KIF26B: variants seen among roughly 807,000 people sequenced by gnomAD.
KIF26B encodes kinesin-like protein KIF26B.
Under a neutral mutation model 151.2 loss-of-function variants are expected in KIF26B, and 63 were observed. The ratio of observed to expected loss-of-function variants is 0.42; its 90% CI spans 0.34 to 0.51. The LOEUF is 0.51. KIF26B is among the 20% of genes least tolerant of loss of function. The probability of loss-of-function intolerance (pLI) is 0.07; values close to 1 mark genes in which losing one functional copy is unlikely to be tolerated. For synonymous variants in KIF26B, 1,357 were observed against 1,262.1 expected, an observed-to-expected ratio of 1.08 and a Z score of -1.59; for missense variants, 2,813 against 2,913.6, an observed-to-expected ratio of 0.97 and a Z score of 0.79.
intron 4 of KIF26B, among the ~76,000 whole-genome samples, chr1:245,426,649 C>A (rs915884491): frequency 1.3e-5 from 2 of 152,172 alleles, no homozygotes; most frequent in African/African-American, 4.8e-5. Context: ...CCAGAGGTTG[C>A]CGTAGTGTTA....
At position 245,685,842 on chromosome 1, in the gene KIF26B, G is replaced by T. The variant is rs1373524129; in HGVS notation, c.2859G>T (p.Gln953His). 8 of 1,612,714 alleles carry T rather than the reference G, an allele frequency of 5.0e-6. No individual in the cohort carries two copies. The highest frequency in any genetic ancestry group is 6.8e-6 in the Non-Finnish European group (8 of 1,179,788). The change falls in exon 12 of 15, where the codon CAG (glutamine) becomes CAT (histidine). Residue 953 changes from glutamine (Q) to histidine (H), a missense_variant. Physicochemically the swap from Gln to His is conservative, Grantham distance 24. Coordinates refer to ENST00000407071, the MANE Select transcript of KIF26B (RefSeq NM_018012.4). ...SSFPFEELPA[Q>H]FGPEQASRGP... is the part of the protein sequence containing the mutation. ...TTCCTTTCGAAGAACTGCCTGCTCA[G>T]TTTGGGCCAGAGCAGGCAAGCAGAG... is the stretch of plus-strand genomic sequence containing the variant.
At chr1:245,212,622 C>T (rs1216387155) in intron 2 of KIF26B, among the ~76,000 whole-genome samples, 1 of 152,214 alleles carries the variant, frequency 6.6e-6, no homozygotes, top group Non-Finnish European at 1.5e-5. Context: ...CAGCTAACTT[C>T]CGTTTGCCTG....
rs1359258224 is a variant in KIF26B at position 245,612,683 on chromosome 1, T to C, written c.2098+707T>C. ...ACCAAAGCACTCCGGCAGTGTGTTA[T>C]CATCATTAGCTCGAGGCCACTGTAT... On this transcript the variant is annotated intron_variant, in intron 9 of 14. Coordinates refer to ENST00000407071, the MANE Select transcript of KIF26B (RefSeq NM_018012.4). Among the ~76,000 whole-genome samples the C allele has an allele frequency of 5.3e-5, 8 of 152,306 alleles. No individual in the cohort carries two copies. The East Asian group carries it at 1.5e-3, about 29-fold the overall frequency.
intron 4 of KIF26B, among the ~76,000 whole-genome samples, chr1:245,484,438 C>T (rs1660231980): frequency 6.6e-6 from 1 of 151,786 alleles, no homozygotes; most frequent in Non-Finnish European, 1.5e-5. Context: ...GACAGAGGCC[C>T]CTCCTAACCC....
intron 3 of KIF26B, among the ~76,000 whole-genome samples, chr1:245,398,456 T>C (rs532911753): frequency 6.6e-6 from 1 of 152,268 alleles, no homozygotes; most frequent in Non-Finnish European, 1.5e-5. Context: ...TCCTCCTGTA[T>C]GTCTGTCCAC....
intron 10 of KIF26B, among the ~76,000 whole-genome samples, chr1:245,675,315 T>G (rs1243504505): frequency 6.6e-6 from 1 of 152,138 alleles, no homozygotes; most frequent in South Asian, 2.1e-4. Context: ...TCTAACTCAG[T>G]CTCCAGGTGG....
intron 4 of KIF26B, among the ~76,000 whole-genome samples, chr1:245,529,686 G>A (rs559837023): frequency 1.3e-5 from 2 of 152,240 alleles, no homozygotes; most frequent in South Asian, 4.1e-4. Flanking sequence ...GTTTTACATT[G>A]AATAGCTTTT....
intron 9 of KIF26B, among the ~76,000 whole-genome samples, chr1:245,622,838 C>A (rs1232293582): frequency 6.6e-6 from 1 of 151,984 alleles, no homozygotes; most frequent in East Asian, 1.9e-4. Context: ...AGGGAGACAG[C>A]CAAGGAGTGG....
chr1:245,176,265 C>T (rs1668807636), intron 2 of KIF26B, among the ~76,000 whole-genome samples: 1 of 150,514 alleles, frequency 6.6e-6, no homozygotes, highest in South Asian at 2.1e-4. Context: ...TCCCAAAGTG[C>T]TGGGATTACA....
At chr1:245,640,121 T>TTCTCTCTCTCTCTCTCTC (rs1330605983) in intron 9 of KIF26B, among the ~76,000 whole-genome samples, 1 of 38,666 alleles carries the variant, frequency 2.6e-5, no homozygotes. Flanking sequence ...TACTAATATT[T>TTCTCTCTCTCTCTCTCTC]GCTCTCTCTC....
chr1:245,652,208 T>C (rs1299368385), intron 10 of KIF26B, among the ~76,000 whole-genome samples: 1 of 151,794 alleles, frequency 6.6e-6, no homozygotes, highest in African/African-American at 2.4e-5. Flanking sequence ...TTTCTCCCCC[T>C]GATTTACAGG....
chr1:245,687,027 T>C lies in KIF26B; in HGVS notation c.4044T>C (p.Asp1348=), dbSNP rs1483425951. 2 of 1,613,284 alleles carry C rather than the reference T, an allele frequency of 1.2e-6. No homozygotes were observed. The highest frequency in any genetic ancestry group is 1.7e-6 in the Non-Finnish European group (2 of 1,179,810). ...TGCTCATCCTGTCTGAGATGGGAGA[T>C]GACTCTTTCAACAAAGCAGCCCCCA... ...DNLLILSEMG[D]DSFNKAAPIK... The change falls in exon 12 of 15, where the codon GAT becomes GAC. Residue 1348 remains aspartate (D), a synonymous_variant. Coordinates refer to ENST00000407071, the MANE Select transcript of KIF26B (RefSeq NM_018012.4). The surrounding 1 kb of genome is among the most constrained non-coding windows in gnomAD (Gnocchi z 4.9).
intron 9 of KIF26B, among the ~76,000 whole-genome samples, chr1:245,642,917 A>G (rs1006168217): frequency 7.2e-5 from 11 of 152,154 alleles, no homozygotes; most frequent in Non-Finnish European, 1.3e-4. Flanking sequence ...TCCCAGGAGG[A>G]CACTGCATCA....
At chr1:245,505,685 C>T (rs1660717629) in intron 4 of KIF26B, among the ~76,000 whole-genome samples, 2 of 152,300 alleles carry the variant, frequency 1.3e-5, no homozygotes, top group African/African-American at 2.4e-5. Context: ...GCGGCTCATA[C>T]ATAAAGCATT....
At chr1:245,257,100 C>G (rs149443564) in intron 2 of KIF26B, among the ~76,000 whole-genome samples, 2 of 152,162 alleles carry the variant, frequency 1.3e-5, no homozygotes, top group African/African-American at 4.8e-5. Context: ...TATCTTAACC[C>G]AGACACTCCC....
chr1:245,500,251 C>A (rs1167592791), intron 4 of KIF26B, among the ~76,000 whole-genome samples: 4 of 152,212 alleles, frequency 2.6e-5, no homozygotes, highest in Non-Finnish European at 5.9e-5. Flanking sequence ...GCTTGACTGG[C>A]TGAGCCCTGG....
At chr1:245,204,593 C>T (rs1276777724) in intron 2 of KIF26B, among the ~76,000 whole-genome samples, 1 of 151,652 alleles carries the variant, frequency 6.6e-6, no homozygotes. Context: ...AGGCTGGTCT[C>T]GAGCTCCTGA....
intron 2 of KIF26B, among the ~76,000 whole-genome samples, chr1:245,270,672 A>G (rs1350062868): frequency 1.3e-5 from 2 of 152,108 alleles, no homozygotes; most frequent in Non-Finnish European, 2.9e-5. Context: ...TTAGATATCA[A>G]TCTCTTTTCA....
At chr1:245,264,153 T>C (rs1415793149) in intron 2 of KIF26B, among the ~76,000 whole-genome samples, 1 of 152,198 alleles carries the variant, frequency 6.6e-6, no homozygotes, top group African/African-American at 2.4e-5. Flanking sequence ...TTGTGTTTTA[T>C]AAAACAGCAG....
Sources: gnomAD v4.1 joint callset for allele counts (sites outside exome capture counted in the v4.1 genomes callset) on GRCh38, gnomAD v4.1.1 for gene constraint, Gnocchi (gnomAD v3.1) non-coding constraint, MANE v1.5 for transcripts, NCBI Gene and HGNC (gene_info 2026-07-23, HGNC 2026-07-21) for gene names.